The following FAAH2 variants were observed in gnomAD, a reference collection of about 807,000 sequenced individuals.
FAAH2 encodes fatty acid amide hydrolase 2, also known as fatty-acid amide hydrolase 2.
A neutral mutation model predicts 36.9 loss-of-function variants in FAAH2; 60 were observed. The observed-to-expected ratio is 1.63, with a 90% CI of 1.32 to 2.02. The LOEUF (loss-of-function observed/expected upper bound fraction) is 2.02, where lower values mean the gene tolerates loss of function less well. Ranked by LOEUF, FAAH2 falls within the 30% of genes most tolerant of loss-of-function variation. The probability of loss-of-function intolerance (pLI) is 0.00; values close to 1 mark genes in which losing one functional copy is unlikely to be tolerated. For missense variants in FAAH2, 689 were observed against 397.5 expected (o/e 1.73, Z -6.23); for synonymous variants, 214 against 143.8 (o/e 1.49, Z -3.49).
chrX:57,292,482 G>A lies in FAAH2; in HGVS notation c.193-16G>A, dbSNP rs747915140. 4.2e-6 allele frequency: 5 copies of A among 1,186,719 alleles called. No homozygotes were observed. The East Asian group carries it at 1.5e-4, about 35-fold the overall frequency. On this transcript the variant is annotated splice_polypyrimidine_tract_variant and intron_variant, in intron 1 of 10. Transcript: ENST00000374900. ...AGTGAATAAATGGCTGCTGACTAAAGTATTGTATTTTGCAGGTGAAATGTA... is the reference window on the plus strand; with the variant it reads ...AGTGAATAAATGGCTGCTGACTAAAATATTGTATTTTGCAGGTGAAATGTA...
chrX:57,264,542 G>A, the FAAH2 span, among the ~76,000 whole-genome samples: 1 of 112,504 alleles, frequency 8.9e-6, no homozygotes, highest in South Asian at 3.6e-4. Context: ...ACAGATGATG[G>A]TGAGTTTGCA....
intron 7 of FAAH2, among the ~76,000 whole-genome samples, chrX:57,422,165 G>T (rs2056053361): frequency 8.9e-6 from 1 of 111,859 alleles, no homozygotes; most frequent in Non-Finnish European, 1.9e-5. Context: ...CCCACATTTG[G>T]CACAACAGCT....
the FAAH2 span, among the ~76,000 whole-genome samples, chrX:57,278,128 A>G: frequency 8.9e-6 from 1 of 111,798 alleles, no homozygotes; most frequent in Non-Finnish European, 1.9e-5. Flanking sequence ...AATCCTAAGC[A>G]AAAAGAGCAA....
Position 57,331,751 on chromosome X carries a change from T to A in FAAH2, c.566T>A (p.Ile189Asn), listed in dbSNP as rs1222691508. The change falls in exon 4 of 11, where the codon ATC becomes AAC. Residue 189 changes from isoleucine (I) to asparagine (N), a missense_variant. Transcript: ENST00000374900. The stretch of plus-strand genomic sequence containing the variant: ...ATGTGGTATGAATCCAGTAACAAGA[T>A]CTATGGCCGATCAAACAACCCATAT... ...LCMWYESSNK[I>N]YGRSNNPYDL... The A allele has an allele frequency of 8.3e-7, 1 of 1,211,373 alleles. No homozygotes were observed. Among genetic ancestry groups the A allele is most frequent in the Non-Finnish European group, 1.1e-6 (1 of 895,434 alleles).
chrX:57,269,535 T>C, the FAAH2 span, among the ~76,000 whole-genome samples: 31 of 111,795 alleles, frequency 2.8e-4, no homozygotes, highest in African/African-American at 9.8e-4. Flanking sequence ...TCTCTAGGAC[T>C]ATGGTGCAAT....
At chrX:57,282,490 C>T (rs1451575540), upstream of FAAH2, among the ~76,000 whole-genome samples, 2 of 111,406 alleles carry the variant, frequency 1.8e-5, no homozygotes, top group African/African-American at 6.5e-5. Flanking sequence ...GAATATTTCC[C>T]CCATTCTGTA....
chrX:57,303,894 G>T (rs776140808), intron 2 of FAAH2, among the ~76,000 whole-genome samples: 1 of 111,793 alleles, frequency 8.9e-6, no homozygotes, highest in Non-Finnish European at 1.9e-5. Context: ...TCTAGCTTCT[G>T]TTCCTATGAC....
At chrX:57,177,867 A>G in the FAAH2 span, among the ~76,000 whole-genome samples, 1 of 109,692 alleles carries the variant, frequency 9.1e-6, no homozygotes, top group Non-Finnish European at 1.9e-5. Context: ...AACTTCCCAC[A>G]AGTGGAAAGT....
At chrX:57,417,338 G>C (rs928656429) in intron 7 of FAAH2, among the ~76,000 whole-genome samples, 1 of 112,020 alleles carries the variant, frequency 8.9e-6, no homozygotes, top group Non-Finnish European at 1.9e-5. Context: ...GGCTCTTTGT[G>C]CTGTTTTTTC....
chrX:57,388,361 G>T (rs2055077647), intron 7 of FAAH2, among the ~76,000 whole-genome samples: 1 of 110,922 alleles, frequency 9.0e-6, no homozygotes, highest in South Asian at 3.8e-4. Context: ...AACTTTGTGG[G>T]GGATATTTTA....
chrX:57,283,051 G>A (rs1374238525), upstream of FAAH2, among the ~76,000 whole-genome samples: 1 of 112,371 alleles, frequency 8.9e-6, no homozygotes, highest in Admixed American at 9.4e-5. Context: ...GGTGCAATCA[G>A]TCAAGGGTGG....
At chrX:57,282,463 C>T (rs1417188266), upstream of FAAH2, among the ~76,000 whole-genome samples, 1 of 111,288 alleles carries the variant, frequency 9.0e-6, no homozygotes, top group Non-Finnish European at 1.9e-5. Context: ...GATATTAGAT[C>T]TTTGTTTGAT....
At chrX:57,395,233 G>A in intron 7 of FAAH2, 1 of 607,864 alleles carries the variant, frequency 1.6e-6, no homozygotes, top group East Asian at 3.9e-5. Context: ...AATCTCTTCA[G>A]CAGCCTTCAG....
At chrX:57,288,645 C>T (rs563949461) in intron 1 of FAAH2, among the ~76,000 whole-genome samples, 54 of 110,492 alleles carry the variant, frequency 4.9e-4, no homozygotes, top group Middle Eastern at 9.4e-3. Flanking sequence ...CCACTGCGCC[C>T]GGCCTTAAAA....
chrX:57,331,371 G>A (rs1368551847), intron 3 of FAAH2, among the ~76,000 whole-genome samples: 2 of 110,488 alleles, frequency 1.8e-5, no homozygotes, highest in African/African-American at 6.6e-5. Context: ...CCTGTGCAGG[G>A]TTCCCAGCTT....
At position 57,393,361 on chromosome X, in the gene FAAH2, C is replaced by G. The variant is rs942013256; in HGVS notation, c.996+12332C>G. The stretch of plus-strand genomic sequence containing the variant: ...GAGCGCTGACAGTGGCAACAAGCAC[C>G]ACCACGTGAGGGTGGAGACCGGAAT... On this transcript the variant is annotated intron_variant, in intron 7 of 10. Transcript: ENST00000374900. 17 of 744,533 alleles carry G rather than the reference C, an allele frequency of 2.3e-5. No individual in the cohort carries two copies. The African/African-American group carries it at 3.3e-4, about 15-fold the overall frequency. 61.4% of individuals were successfully genotyped at this position (744,533 alleles called of 1,213,427 possible). A position where few individuals can be genotyped will look rare whatever the true frequency, so the allele number is the denominator to read the frequency against.
chrX:57,446,438 A>G (rs966732064), intron 8 of FAAH2, among the ~76,000 whole-genome samples: 3 of 112,083 alleles, frequency 2.7e-5, no homozygotes, highest in Non-Finnish European at 5.6e-5. Context: ...TATAATTCAT[A>G]TACCATGCAA....
rs754064234 is a variant in FAAH2, at chrX:57,488,960, T to G, written c.*28T>G. 1 of 1,171,126 alleles carries G rather than the reference T, an allele frequency of 8.5e-7. No homozygotes were observed. Among genetic ancestry groups the G allele is most frequent in the South Asian group, 2.0e-5 (1 of 49,657 alleles). The stretch of plus-strand genomic sequence containing the variant: ...GGACCTTCTGCAAGGTTAATGTGTG[T>G]GTGTGTTTGTGTTCGTGTGGTGGTG... On this transcript the variant is annotated 3_prime_UTR_variant, in exon 11 of 11. Coordinates refer to ENST00000374900, the MANE Select transcript of FAAH2 (RefSeq NM_174912.4).
chrX:57,135,483 C>G, the FAAH2 span: 2 of 258,436 alleles, frequency 7.7e-6, no homozygotes, highest in South Asian at 1.1e-4. Context: ...TTCCCCTGCC[C>G]CCTCCAGACC....
Sources: gnomAD v4.1 joint callset for allele counts (sites outside exome capture counted in the v4.1 genomes callset) on GRCh38, gnomAD v4.1.1 for gene constraint, MANE v1.5 for transcripts, NCBI Gene and HGNC (gene_info 2026-07-23, HGNC 2026-07-21) for gene names.